The following CDH10 variants were observed in gnomAD, a reference collection of about 807,000 sequenced individuals.
The protein encoded by CDH10 is cadherin-10.
Under a neutral mutation model 73.1 loss-of-function variants are expected in CDH10, and 30 were observed. The ratio of observed to expected loss-of-function variants is 0.41; its 90% CI spans 0.31 to 0.56. The LOEUF is 0.56. CDH10 is among the 20% of genes least tolerant of loss of function. The pLI, the probability that CDH10 is intolerant of heterozygous loss-of-function variation, is 0.27. For synonymous variants in CDH10, 345 were observed against 348.2 expected, an observed-to-expected ratio of 0.99 and a Z score of 0.10; for missense variants, 815 against 973.7, an observed-to-expected ratio of 0.84 and a Z score of 2.17.
intron 7 of CDH10, among the ~76,000 whole-genome samples, chr5:24,509,193 CT>C (rs34197649): frequency 0.34 from 36,983 of 109,166 alleles, 4,971 homozygotes; most frequent in Middle Eastern, 0.38. Flanking sequence ...ATTTCAACTG[CT>C]TTTTTTTTTT....
rs13177724 is a variant in CDH10, at chr5:24,504,841, T to G, written c.1393+271A>C. Reference sequence around the variant, plus strand: ...GCCCGGCCTGTTAATCTGTTTCATGTCAATGTTATTTTGAGGCTCAGCCAA... The same window carrying G: ...GCCCGGCCTGTTAATCTGTTTCATGGCAATGTTATTTTGAGGCTCAGCCAA... On this transcript the variant is annotated intron_variant, in intron 8 of 11. Coordinates refer to ENST00000264463, the MANE Select transcript of CDH10 (RefSeq NM_006727.5). Among the ~76,000 whole-genome samples, 7 of 152,162 alleles carry G rather than the reference T, an allele frequency of 4.6e-5. No homozygotes were observed. The East Asian group carries it at 1.4e-3, about 30-fold the overall frequency.
At chr5:24,552,991 C>G (rs1414390565) in intron 2 of CDH10, among the ~76,000 whole-genome samples, 1 of 29,820 alleles carries the variant, frequency 3.4e-5, no homozygotes. Flanking sequence ...CTCCAATCTC[C>G]CATGTTTTCC....
intron 5 of CDH10, among the ~76,000 whole-genome samples, chr5:24,512,965 C>T (rs2111775657): frequency 6.6e-6 from 1 of 151,928 alleles, no homozygotes; most frequent in South Asian, 2.1e-4. Flanking sequence ...ACTTAATTTC[C>T]TATATTACTA....
intron 5 of CDH10, among the ~76,000 whole-genome samples, chr5:24,534,101 T>C (rs1213563362): frequency 2.0e-5 from 3 of 152,108 alleles, no homozygotes; most frequent in Non-Finnish European, 4.4e-5. Context: ...AACAATGCTG[T>C]TAATTCTTAG....
intron 4 of CDH10, 66 bp from the exon 5 acceptor site, chr5:24,535,345 C>A (rs2111880149): frequency 7.0e-7 from 1 of 1,433,512 alleles, no homozygotes; most frequent in Non-Finnish European, 9.6e-7. Context: ...TTATTAAGTC[C>A]ACAAAAAGTA....
At chr5:24,518,711 T>C (rs1743201092) in intron 5 of CDH10, among the ~76,000 whole-genome samples, 1 of 152,086 alleles carries the variant, frequency 6.6e-6, no homozygotes, top group African/African-American at 2.4e-5. Flanking sequence ...CCCTGTTCTC[T>C]GCATGTCTCA....
chr5:24,619,277 T>G (rs1747229447), intron 1 of CDH10, among the ~76,000 whole-genome samples: 1 of 152,122 alleles, frequency 6.6e-6, no homozygotes, highest in Admixed American at 6.5e-5. Context: ...CACTGCAAGT[T>G]CCGCCTCCCG....
chr5:24,610,626 T>G (rs1746911285), intron 1 of CDH10, among the ~76,000 whole-genome samples: 1 of 152,228 alleles, frequency 6.6e-6, no homozygotes, highest in Non-Finnish European at 1.5e-5. Flanking sequence ...AATTTATTTC[T>G]GGTGAAATCT....
intron 2 of CDH10, among the ~76,000 whole-genome samples, chr5:24,548,935 T>C (rs1744444127): frequency 6.6e-6 from 1 of 152,028 alleles, no homozygotes; most frequent in South Asian, 2.1e-4. Context: ...CTATATTTAA[T>C]GTATTTAAGA....
At chr5:24,538,961 G>A (rs1213415138) in intron 2 of CDH10, among the ~76,000 whole-genome samples, 2 of 152,010 alleles carry the variant, frequency 1.3e-5, no homozygotes, top group Non-Finnish European at 2.9e-5. Context: ...GTTTTATTAT[G>A]TGCAATGAGA....
chr5:24,632,302 G>A (rs1747727519), intron 1 of CDH10, among the ~76,000 whole-genome samples: 1 of 150,944 alleles, frequency 6.6e-6, no homozygotes, highest in Non-Finnish European at 1.5e-5. Flanking sequence ...AAGGTTGCAT[G>A]CAAATTTTAA....
At chr5:24,580,238 T>A (rs1403128985) in intron 2 of CDH10, among the ~76,000 whole-genome samples, 1 of 152,036 alleles carries the variant, frequency 6.6e-6, no homozygotes, top group African/African-American at 2.4e-5. Flanking sequence ...CAGATTATTA[T>A]ATAGACTATA....
intron 5 of CDH10, 61 bp downstream of exon 5, chr5:24,535,051 T>C (rs1743895635): frequency 7.2e-7 from 1 of 1,394,622 alleles, no homozygotes; most frequent in African/African-American, 1.5e-5. Context: ...TTTCTTTCTT[T>C]GTCTGTCTTT....
intron 2 of CDH10, among the ~76,000 whole-genome samples, chr5:24,564,275 A>G (rs909348970): frequency 6.6e-6 from 1 of 152,228 alleles, no homozygotes; most frequent in Admixed American, 6.5e-5. Flanking sequence ...TATAGGTTGT[A>G]CCAAAATGTC....
intron 2 of CDH10, among the ~76,000 whole-genome samples, chr5:24,563,671 GAGGC>G (rs887882576): frequency 3.4e-5 from 5 of 146,688 alleles, no homozygotes; most frequent in Middle Eastern, 3.5e-3. Flanking sequence ...TCCGGAGGCT[GAGGC>G]AGGAGAAAGG....
At chr5:24,626,810 G>C (rs1747516946) in intron 1 of CDH10, among the ~76,000 whole-genome samples, 1 of 149,966 alleles carries the variant, frequency 6.7e-6, no homozygotes, top group Admixed American at 6.7e-5. Context: ...GTGTGTGTGT[G>C]TGTGTGTATA....
intron 5 of CDH10, among the ~76,000 whole-genome samples, chr5:24,520,162 T>C (rs1160405439): frequency 6.6e-6 from 1 of 152,196 alleles, no homozygotes; most frequent in African/African-American, 2.4e-5. Flanking sequence ...ATTTGACATA[T>C]ATGTAGACAT....
intron 5 of CDH10, among the ~76,000 whole-genome samples, chr5:24,533,224 G>A (rs1390597592): frequency 6.6e-6 from 1 of 151,966 alleles, no homozygotes; most frequent in Admixed American, 6.6e-5. Flanking sequence ...CTACTCATGA[G>A]GCTGAGGCAG....
In CDH10 at chr5:24,488,076, C is replaced by T. The variant is rs2111611629; in HGVS notation, c.1954G>A (p.Asp652Asn). ...PLILSKEDIR[D>N]NIVSYNDEGG... ...TCATCGTTATAGCTCACAATGTTGT[C>T]TCTGATATCTTCTTTTGACAAGATC... The change falls in exon 12 of 12, where the codon GAC becomes AAC. Residue 652 changes from aspartate to asparagine, a missense_variant. Asp to Asn is a conservative substitution (Grantham distance 23). Around this residue, in one of 3 missense-constraint regions of CDH10, gnomAD observed 241 missense variants for 240.3 expected, o/e 1.00. Coordinates refer to ENST00000264463, the MANE Select transcript of CDH10 (RefSeq NM_006727.5). The T allele has an allele frequency of 6.2e-7, 1 of 1,613,968 alleles. No individual in the cohort carries two copies. Among genetic ancestry groups the T allele is most frequent in the Non-Finnish European group, 8.5e-7 (1 of 1,179,920 alleles).
Sources: gnomAD v4.1 joint callset for allele counts (sites outside exome capture counted in the v4.1 genomes callset) on GRCh38, gnomAD v4.1.1 for gene constraint, gnomAD v4.1.1 regional missense constraint, MANE v1.5 for transcripts, NCBI Gene and HGNC (gene_info 2026-07-23, HGNC 2026-07-21) for gene names.